Variants in PLXDC2 observed in about 807,000 individuals in gnomAD.
PLXDC2 encodes plexin domain containing 2, also known as plexin domain-containing protein 2.
Under a neutral mutation model 68.9 loss-of-function variants are expected in PLXDC2, and 40 were observed. The observed-to-expected ratio is 0.58, with a 90% CI of 0.45 to 0.76. The LOEUF is 0.76. Ranked by LOEUF, PLXDC2 falls within the 30% of genes least tolerant of loss-of-function variation. PLXDC2 has a pLI of 0.00. For missense variants in PLXDC2, 644 were observed against 661.9 expected (o/e 0.97, Z 0.30); for synonymous variants, 243 against 234.2 (o/e 1.04, Z -0.34).
chr10:20,142,699 A>G (rs12217582), intron 4 of PLXDC2, among the ~76,000 whole-genome samples: 5,668 of 151,820 alleles, frequency 0.037, 415 homozygotes, highest in East Asian at 0.35. Context: ...CTGCAAACAT[A>G]TAGACTTTAT....
intron 3 of PLXDC2, among the ~76,000 whole-genome samples, chr10:20,054,746 T>TA (rs1564298234): frequency 6.6e-6 from 1 of 152,020 alleles, no homozygotes; most frequent in Non-Finnish European, 1.5e-5. Flanking sequence ...GAGATATACC[T>TA]AATGTTAAAT....
chr10:20,273,753 A>T (rs1276241593), intron 13 of PLXDC2, among the ~76,000 whole-genome samples: 3 of 152,234 alleles, frequency 2.0e-5, no homozygotes, highest in African/African-American at 7.2e-5. Flanking sequence ...GCAATGGCTC[A>T]CGCGTGTAAT....
At chr10:19,875,725 C>T (rs1837618405) in intron 1 of PLXDC2, among the ~76,000 whole-genome samples, 1 of 152,156 alleles carries the variant, frequency 6.6e-6, no homozygotes. Flanking sequence ...GTGATTAATT[C>T]AAATTTTCTA....
At chr10:19,967,372 T>A (rs939866809) in intron 1 of PLXDC2, among the ~76,000 whole-genome samples, 1 of 152,102 alleles carries the variant, frequency 6.6e-6, no homozygotes, top group Non-Finnish European at 1.5e-5. Context: ...GCACTGTATC[T>A]GGATGAAATG....
chr10:19,915,524 G>A (rs1005398638), intron 1 of PLXDC2, among the ~76,000 whole-genome samples: 4 of 152,206 alleles, frequency 2.6e-5, no homozygotes, highest in East Asian at 1.9e-4. Context: ...ATGAGAAAAT[G>A]AGTAGTGTAT....
intron 4 of PLXDC2, among the ~76,000 whole-genome samples, chr10:20,088,949 G>C (rs999940970): frequency 6.6e-6 from 1 of 152,032 alleles, no homozygotes; most frequent in Non-Finnish European, 1.5e-5. Flanking sequence ...GGAGCACATC[G>C]CTTTTGGAAT....
At chr10:20,027,304 C>T (rs1363220332) in intron 2 of PLXDC2, among the ~76,000 whole-genome samples, 1 of 151,948 alleles carries the variant, frequency 6.6e-6, no homozygotes, top group Admixed American at 6.6e-5. Context: ...GTTTATAAGG[C>T]CTCTGCCCTC....
At chr10:20,026,921 A>G (rs2131663770) in intron 2 of PLXDC2, among the ~76,000 whole-genome samples, 1 of 100,006 alleles carries the variant, frequency 1.0e-5, no homozygotes, top group South Asian at 3.7e-4. Flanking sequence ...AATATATTCT[A>G]ATATATAGAA....
chr10:19,965,706 AAC>A (rs1385763186), intron 1 of PLXDC2, among the ~76,000 whole-genome samples: 2 of 119,360 alleles, frequency 1.7e-5, no homozygotes, highest in Non-Finnish European at 3.6e-5. Flanking sequence ...TTCTCTGGAA[AAC>A]AGTTTTTTTT....
intron 1 of PLXDC2, among the ~76,000 whole-genome samples, chr10:19,895,438 G>T (rs1201990175): frequency 1.3e-5 from 2 of 152,060 alleles, no homozygotes; most frequent in African/African-American, 4.8e-5. Flanking sequence ...GCCAAGCAAT[G>T]GATGGATTTA....
intron 9 of PLXDC2, among the ~76,000 whole-genome samples, chr10:20,200,642 A>G (rs1177258885): frequency 1.3e-5 from 2 of 152,184 alleles, no homozygotes; most frequent in Non-Finnish European, 2.9e-5. Context: ...ACAGAAGATT[A>G]ATATCCAGAT....
chr10:19,931,102 T>C (rs940946921), intron 1 of PLXDC2, among the ~76,000 whole-genome samples: 1 of 152,172 alleles, frequency 6.6e-6, no homozygotes, highest in South Asian at 2.1e-4. Context: ...CAAACACCCA[T>C]GGGAAGGAGA....
intron 4 of PLXDC2, among the ~76,000 whole-genome samples, chr10:20,131,820 A>G (rs751759942): frequency 1.3e-5 from 2 of 152,076 alleles, no homozygotes; most frequent in Admixed American, 1.3e-4. Context: ...TCTAGTCCCT[A>G]TATCATTCAT....
At chr10:19,863,185 T>A (rs373309338) in intron 1 of PLXDC2, among the ~76,000 whole-genome samples, 129 of 152,324 alleles carry the variant, frequency 8.5e-4, no homozygotes, top group African/African-American at 2.3e-3. Context: ...AATATTGTGC[T>A]ATTATGTTTT....
At chr10:20,085,946 A>T (rs1355112836) in intron 4 of PLXDC2, among the ~76,000 whole-genome samples, 1 of 152,242 alleles carries the variant, frequency 6.6e-6, no homozygotes, top group Non-Finnish European at 1.5e-5. Flanking sequence ...TATAAATGGT[A>T]AAAGGAAAAA....
chr10:20,007,862 A>G (rs750199112), intron 2 of PLXDC2, among the ~76,000 whole-genome samples: 3 of 152,220 alleles, frequency 2.0e-5, no homozygotes, highest in Admixed American at 6.5e-5. Context: ...TGCCAACAGT[A>G]TGTTTCATGG....
intron 9 of PLXDC2, among the ~76,000 whole-genome samples, chr10:20,210,575 TA>T (rs1415562257): frequency 3.3e-5 from 5 of 152,176 alleles, no homozygotes; most frequent in African/African-American, 1.2e-4. Flanking sequence ...TTAGATATTT[TA>T]GACATGACCT....
chr10:19,940,083 C>A lies in PLXDC2; in HGVS notation c.113-61692C>A, dbSNP rs571021357. On this transcript the variant is annotated intron_variant, in intron 1 of 13. Transcript: ENST00000377252. ...AAGAGTTTAGGTGATTTAATATAGT[C>A]ATGCGAAAGAATCTCAAGACTAGAG... Among the ~76,000 whole-genome samples the A allele has an allele frequency of 6.9e-4, 105 of 151,790 alleles. 3 individuals carry two copies. The highest frequency in any genetic ancestry group is 2.5e-3 in the African/African-American group (102 of 41,188).
At chr10:19,912,181 A>G (rs973159869) in intron 1 of PLXDC2, among the ~76,000 whole-genome samples, 12 of 152,322 alleles carry the variant, frequency 7.9e-5, no homozygotes, top group African/African-American at 2.9e-4. Flanking sequence ...ATTAGAGCTG[A>G]GCTGCTGAAT....
Sources: gnomAD v4.1 joint callset for allele counts (sites outside exome capture counted in the v4.1 genomes callset) on GRCh38, gnomAD v4.1.1 for gene constraint, MANE v1.5 for transcripts, NCBI Gene and HGNC (gene_info 2026-07-23, HGNC 2026-07-21) for gene names.